GRIK1: variants seen among roughly 807,000 people sequenced by gnomAD.
GRIK1 encodes glutamate ionotropic receptor kainate type subunit 1, also known as glutamate receptor ionotropic, kainate 1.
In GRIK1, 69 loss-of-function variants were observed where a neutral mutation model predicts 105.7. That is an observed-to-expected ratio of 0.65 (90% confidence interval 0.54 to 0.80). The LOEUF (loss-of-function observed/expected upper bound fraction) is 0.80, where lower values mean the gene tolerates loss of function less well. Among genes scored for constraint, GRIK1 ranks in the 30% least tolerant of loss-of-function variants. GRIK1 has a pLI of 0.00. For synonymous variants in GRIK1, 438 were observed against 431.3 expected, an observed-to-expected ratio of 1.02 and a Z score of -0.19; for missense variants, 1,109 against 1,167.3, an observed-to-expected ratio of 0.95 and a Z score of 0.73.
At chr21:29,660,383 C>A (rs363569) in intron 4 of GRIK1, among the ~76,000 whole-genome samples, 1 of 152,098 alleles carries the variant, frequency 6.6e-6, no homozygotes, top group African/African-American at 2.4e-5. Context: ...AGTCATTCTA[C>A]AAAATACAGG....
At chr21:29,667,447 A>T (rs997373287) in intron 4 of GRIK1, among the ~76,000 whole-genome samples, 9 of 146,324 alleles carry the variant, frequency 6.2e-5, no homozygotes, top group South Asian at 2.2e-4. Flanking sequence ...AAAGAGATTT[A>T]AAAAAAAAGT....
chr21:29,923,390 T>A (rs1415067924), intron 1 of GRIK1, among the ~76,000 whole-genome samples: 1 of 152,196 alleles, frequency 6.6e-6, no homozygotes, highest in Non-Finnish European at 1.5e-5. Context: ...ATTGTAATAA[T>A]AAACATGAAG....
chr21:29,898,877 C>A (rs1310057124), intron 1 of GRIK1, among the ~76,000 whole-genome samples: 1 of 151,860 alleles, frequency 6.6e-6, no homozygotes, highest in Non-Finnish European at 1.5e-5. Context: ...GAGGCTAAGG[C>A]AGGAGAATCG....
At chr21:29,869,228 T>C (rs1348485310) in intron 1 of GRIK1, among the ~76,000 whole-genome samples, 2 of 152,212 alleles carry the variant, frequency 1.3e-5, no homozygotes, top group Non-Finnish European at 1.5e-5. Flanking sequence ...TATTTTTCTT[T>C]ATATCCATTT....
At chr21:29,652,620 C>T (rs149095258) in intron 5 of GRIK1, among the ~76,000 whole-genome samples, 2 of 152,290 alleles carry the variant, frequency 1.3e-5, no homozygotes, top group East Asian at 3.9e-4. Context: ...ACATTTAAGA[C>T]AGGGTTATGT....
At chr21:29,651,863 G>C (rs2062746158) in intron 5 of GRIK1, among the ~76,000 whole-genome samples, 1 of 151,494 alleles carries the variant, frequency 6.6e-6, no homozygotes, top group Non-Finnish European at 1.5e-5. Context: ...AGCTGCTATA[G>C]ATTAAAACAA....
chr21:29,643,910 G>GCA (rs36010792), intron 6 of GRIK1, among the ~76,000 whole-genome samples: 20,707 of 149,644 alleles, frequency 0.14, 1,567 homozygotes, highest in African/African-American at 0.21. Flanking sequence ...GCACACACAT[G>GCA]CACACACACA....
chr21:29,919,257 G>A (rs901584732), intron 1 of GRIK1, among the ~76,000 whole-genome samples: 1 of 152,132 alleles, frequency 6.6e-6, no homozygotes, highest in African/African-American at 2.4e-5. Context: ...AGAGACACTT[G>A]TGATGCAACT....
chr21:29,789,345 C>T (rs1397821333), intron 1 of GRIK1, among the ~76,000 whole-genome samples: 1 of 152,170 alleles, frequency 6.6e-6, no homozygotes, highest in Non-Finnish European at 1.5e-5. Context: ...TTTGACTTAA[C>T]CAAACTTCAA....
intron 6 of GRIK1, among the ~76,000 whole-genome samples, chr21:29,644,855 G>A (rs906766254): frequency 3.3e-5 from 5 of 152,112 alleles, no homozygotes; most frequent in Admixed American, 1.3e-4. Flanking sequence ...ATGATATGTC[G>A]CATGCTGTTC....
chr21:29,891,928 G>A (rs1213921213), intron 1 of GRIK1, among the ~76,000 whole-genome samples: 1 of 152,148 alleles, frequency 6.6e-6, no homozygotes, highest in Admixed American at 6.5e-5. Context: ...CACATATCTT[G>A]TTATACAGCA....
intron 1 of GRIK1, among the ~76,000 whole-genome samples, chr21:29,915,112 T>A (rs894209682): frequency 6.6e-6 from 1 of 152,088 alleles, no homozygotes; most frequent in African/African-American, 2.4e-5. Flanking sequence ...TAGAAAATTC[T>A]TCATGTATAT....
intron 7 of GRIK1, among the ~76,000 whole-genome samples, chr21:29,630,129 C>A (rs1288665333): frequency 6.6e-6 from 1 of 152,060 alleles, no homozygotes; most frequent in Non-Finnish European, 1.5e-5. Context: ...AGGTAGTATT[C>A]TAGACGGTTT....
intron 1 of GRIK1, among the ~76,000 whole-genome samples, chr21:29,775,875 G>A (rs775075631): frequency 1.3e-5 from 2 of 152,098 alleles, no homozygotes; most frequent in Non-Finnish European, 2.9e-5. Context: ...TACTTACTTT[G>A]TATTAGTCAG....
intron 1 of GRIK1, among the ~76,000 whole-genome samples, chr21:29,750,204 C>T (rs1480850526): frequency 6.6e-6 from 1 of 151,622 alleles, no homozygotes; most frequent in African/African-American, 2.4e-5. Flanking sequence ...AGTTCCTTCT[C>T]TCCCTTCCTT....
At chr21:29,871,005 C>G (rs1474729253) in intron 1 of GRIK1, among the ~76,000 whole-genome samples, 2 of 152,102 alleles carry the variant, frequency 1.3e-5, no homozygotes, top group Non-Finnish European at 2.9e-5. Flanking sequence ...ATCAAGGTGC[C>G]TTGCAAATGC....
intron 16 of GRIK1, among the ~76,000 whole-genome samples, chr21:29,542,088 C>G: frequency 6.6e-6 from 1 of 151,892 alleles, no homozygotes; most frequent in African/African-American, 2.4e-5. Flanking sequence ...AATGGAGAAA[C>G]ACAAGTTAGT....
intron 1 of GRIK1, among the ~76,000 whole-genome samples, chr21:29,807,530 C>T (rs1486335530): frequency 1.3e-5 from 2 of 152,004 alleles, no homozygotes; most frequent in Admixed American, 1.3e-4. Context: ...TATAGCCAGT[C>T]AAGTGGCCTG....
At position 29,715,287 on chromosome 21, in the gene GRIK1, C is replaced by T. The variant is rs773751949; in HGVS notation, c.119-21224G>A. Among the ~76,000 whole-genome samples, 8 of 152,240 alleles carry T rather than the reference C, an allele frequency of 5.3e-5. No individual in the cohort carries two copies. The South Asian group carries it at 6.2e-4, about 12-fold the overall frequency. On this transcript the variant is annotated intron_variant, in intron 1 of 17. Coordinates refer to ENST00000327783, the MANE Select transcript of GRIK1 (RefSeq NM_001330994.2). ...CAGTCTGATGAGTTAGCAGTTTCCCCTAGGACTATCATAATCTGCTGACGC... is the reference window on the plus strand; with the variant it reads ...CAGTCTGATGAGTTAGCAGTTTCCCTTAGGACTATCATAATCTGCTGACGC...
Sources: gnomAD v4.1 joint callset for allele counts (sites outside exome capture counted in the v4.1 genomes callset) on GRCh38, gnomAD v4.1.1 for gene constraint, MANE v1.5 for transcripts, NCBI Gene and HGNC (gene_info 2026-07-23, HGNC 2026-07-21) for gene names.